Variants in CSNK2A2 observed in about 807,000 individuals in gnomAD.
CSNK2A2 encodes casein kinase II subunit alpha'.
A neutral mutation model predicts 54.0 loss-of-function variants in CSNK2A2; 8 were observed. The observed-to-expected ratio is 0.15, with a 90% CI of 0.09 to 0.27. CSNK2A2 has a LOEUF of 0.27. Ranked by LOEUF, CSNK2A2 falls within the 10% of genes least tolerant of loss-of-function variation. CSNK2A2 has a pLI of 1.00. For synonymous variants in CSNK2A2, 141 were observed against 153.9 expected (o/e 0.92, Z 0.62); for missense variants, 242 against 439.4 (o/e 0.55, Z 4.02).
In CSNK2A2 at chr16:58,197,067, C is replaced by G; in HGVS notation, c.105-223G>C. On this transcript the variant is annotated intron_variant, in intron 1 of 11. Coordinates refer to ENST00000262506, the MANE Select transcript of CSNK2A2 (RefSeq NM_001896.4). This position sits in a 1 kb window ranked among gnomAD's most constrained non-coding sequence, Gnocchi z 4.0. ...TCTCTCCTAACTTGGGAAGATGGGG[C>G]AGGAAGGCAACGCTCTGAGCCAATC... 1 of 516,026 alleles carries G rather than the reference C, an allele frequency of 1.9e-6. No homozygotes were observed. Among genetic ancestry groups the G allele is most frequent in the East Asian group, 3.5e-5 (1 of 28,420 alleles). 32.0% of individuals were successfully genotyped at this position (516,026 alleles called of 1,614,324 possible).
intron 4 of CSNK2A2, among the ~76,000 whole-genome samples, chr16:58,180,552 C>A (rs1166905314): frequency 6.6e-6 from 1 of 152,068 alleles, no homozygotes; most frequent in Non-Finnish European, 1.5e-5. Flanking sequence ...AAGTCTTCCT[C>A]CCATCCTTGA....
chr16:58,180,295 G>A (rs1049700859), intron 4 of CSNK2A2, among the ~76,000 whole-genome samples: 9 of 150,006 alleles, frequency 6.0e-5, no homozygotes, highest in Admixed American at 2.0e-4. Context: ...TCTCTAGCAC[G>A]ACTGATTTAA....
chr16:58,169,406 G>T (rs1961670414), intron 5 of CSNK2A2, among the ~76,000 whole-genome samples: 1 of 152,116 alleles, frequency 6.6e-6, no homozygotes, highest in South Asian at 2.1e-4. Context: ...GTGCGTGCCT[G>T]TAATCCCAGC....
chr16:58,170,793 T>C (rs1961713212), intron 5 of CSNK2A2, among the ~76,000 whole-genome samples: 1 of 152,152 alleles, frequency 6.6e-6, no homozygotes, highest in Non-Finnish European at 1.5e-5. Flanking sequence ...GAAATGCTGA[T>C]TCAAATCTTT....
At chr16:58,171,979 A>ATATATATATATATATTT (rs1261137669) in intron 5 of CSNK2A2, among the ~76,000 whole-genome samples, 2 of 66,184 alleles carry the variant, frequency 3.0e-5, no homozygotes, top group African/African-American at 1.7e-4. Context: ...ATATATATAT[A>ATATATATATATATATTT]TTTTTTTTTT....
intron 4 of CSNK2A2, among the ~76,000 whole-genome samples, chr16:58,183,377 CAAA>C (rs397957932): frequency 1.6e-5 from 2 of 124,288 alleles, no homozygotes; most frequent in Non-Finnish European, 1.7e-5. Flanking sequence ...AACTCGATCT[CAAA>C]AAAAAAAAAA....
Position 58,197,558 on chromosome 16 carries a change from C to A in CSNK2A2, c.104+75G>T. ...GGTCGGCGGGAGACACCACCGGGCC[C>A]GAGTGCGGTTCGCAGGGGGTGGCCG... On this transcript the variant is annotated intron_variant, in intron 1 of 11. Transcript: ENST00000262506. The surrounding 1 kb of genome is among the most constrained non-coding windows in gnomAD (Gnocchi z 4.0). The A allele has an allele frequency of 9.9e-7, 1 of 1,010,518 alleles. No homozygotes were observed. The highest frequency in any genetic ancestry group is 1.4e-6 in the Non-Finnish European group (1 of 706,064). The allele number at this position is 1,010,518 out of a possible 1,614,324, so 62.6% of individuals were successfully genotyped here.
chr16:58,191,594 G>A (rs113103741), intron 2 of CSNK2A2, among the ~76,000 whole-genome samples: 9 of 151,976 alleles, frequency 5.9e-5, no homozygotes, highest in East Asian at 1.9e-4. Context: ...AACTCCTGAC[G>A]TCAGGTGATC....
rs968510502 is a variant in CSNK2A2 at position 58,186,757 on chromosome 16, C to T, written c.316G>A (p.Val106Met). The T allele has an allele frequency of 1.9e-5, 30 of 1,613,162 alleles. No homozygotes were observed. The Admixed American group carries it at 3.3e-4, about 18-fold the overall frequency. The part of the protein sequence containing the change: ...IKLIDTVKDP[V>M]SKTPALVFEY... Reference sequence around the variant, plus strand: ...TCCCCCAACCATTTGGCACCTACCACGGGGTCCTTTACAGTGTCAATCAGC... The same window carrying T: ...TCCCCCAACCATTTGGCACCTACCATGGGGTCCTTTACAGTGTCAATCAGC... The change falls in exon 3 of 12, where the codon GTG becomes ATG. Residue 106 changes from valine (V) to methionine (M), a missense_variant and splice_region_variant. By Grantham distance (21) the Val-to-Met change is conservative. Transcript: ENST00000262506.
chr16:58,184,477 A>C (rs960543854), intron 3 of CSNK2A2, among the ~76,000 whole-genome samples, 167 bp from the exon 4 acceptor site: 3 of 152,194 alleles, frequency 2.0e-5, no homozygotes, highest in African/African-American at 4.8e-5. Context: ...TGATGTCTGG[A>C]ATTTGCTTCA....
At chr16:58,175,275 C>A (rs1436921003) in intron 4 of CSNK2A2, among the ~76,000 whole-genome samples, 4 of 152,200 alleles carry the variant, frequency 2.6e-5, no homozygotes, top group Non-Finnish European at 4.4e-5. Flanking sequence ...CTACAAGCTT[C>A]ATTAAAGGCA....
chr16:58,164,458 C>T (rs1334130884), intron 10 of CSNK2A2, among the ~76,000 whole-genome samples: 6 of 152,148 alleles, frequency 3.9e-5, no homozygotes, highest in African/African-American at 1.2e-4. Flanking sequence ...ATATTAATAT[C>T]ATCTCTAACC....
At chr16:58,188,355 A>C (rs1962244076) in intron 2 of CSNK2A2, among the ~76,000 whole-genome samples, 2 of 152,192 alleles carry the variant, frequency 1.3e-5, no homozygotes, top group African/African-American at 4.8e-5. Flanking sequence ...TCCCTTTTTC[A>C]TTAACGAGGG....
intron 2 of CSNK2A2, among the ~76,000 whole-genome samples, chr16:58,187,436 T>G (rs1174909403): frequency 6.6e-6 from 1 of 152,196 alleles, no homozygotes; most frequent in Non-Finnish European, 1.5e-5. Flanking sequence ...ATCCCATTCC[T>G]GAAGAAAGAA....
chr16:58,194,800 CA>C (rs1962393043), intron 2 of CSNK2A2, among the ~76,000 whole-genome samples: 1 of 152,060 alleles, frequency 6.6e-6, no homozygotes, highest in South Asian at 2.1e-4. Flanking sequence ...TAACATACGC[CA>C]AGAATCTTTA....
At chr16:58,171,287 G>A (rs1961728556) in intron 5 of CSNK2A2, among the ~76,000 whole-genome samples, 1 of 152,114 alleles carries the variant, frequency 6.6e-6, no homozygotes, top group African/African-American at 2.4e-5. Flanking sequence ...CAGTTTGGGG[G>A]CCAAGGCGGG....
Position 58,165,724 on chromosome 16 carries a change from A to C in CSNK2A2, c.828-16T>G. The C allele has an allele frequency of 6.2e-7, 1 of 1,604,182 alleles. No homozygotes were observed. On this transcript the variant is annotated splice_polypyrimidine_tract_variant and intron_variant, in intron 9 of 11. Coordinates refer to ENST00000262506, the MANE Select transcript of CSNK2A2 (RefSeq NM_001896.4). ...CCGTGAATGTCTGAGAAGAAAAATGAAGCATTAGTAACCAGAGACTAAATT... is the reference window on the plus strand; with the variant it reads ...CCGTGAATGTCTGAGAAGAAAAATGCAGCATTAGTAACCAGAGACTAAATT...
At chr16:58,168,898 G>A (rs1405004337) in intron 5 of CSNK2A2, among the ~76,000 whole-genome samples, 2 of 151,978 alleles carry the variant, frequency 1.3e-5, no homozygotes, top group African/African-American at 4.8e-5. Flanking sequence ...AAGGGGGTAT[G>A]AAGGGAATGG....
At chr16:58,196,175 T>C (rs1962439597) in intron 2 of CSNK2A2, among the ~76,000 whole-genome samples, 2 of 152,230 alleles carry the variant, frequency 1.3e-5, no homozygotes, top group Non-Finnish European at 1.5e-5. Flanking sequence ...CGGAGCCCTT[T>C]TGGAATTTTT....
Sources: gnomAD v4.1 joint callset for allele counts (sites outside exome capture counted in the v4.1 genomes callset) on GRCh38, gnomAD v4.1.1 for gene constraint, Gnocchi (gnomAD v3.1) non-coding constraint, MANE v1.5 for transcripts, NCBI Gene and HGNC (gene_info 2026-07-23, HGNC 2026-07-21) for gene names.